RYR3: variants seen among roughly 807,000 people sequenced by gnomAD.
The protein encoded by RYR3 is ryanodine receptor 3.
A neutral mutation model predicts 584.3 loss-of-function variants in RYR3; 207 were observed. The observed-to-expected ratio is 0.35, with a 90% CI of 0.32 to 0.40. The LOEUF is 0.40. Among genes scored for constraint, RYR3 ranks in the 10% least tolerant of loss-of-function variants. The probability of loss-of-function intolerance (pLI) is 1.00; values close to 1 mark genes in which losing one functional copy is unlikely to be tolerated. For synonymous variants in RYR3, 2,416 were observed against 2,248.5 expected (o/e 1.07, Z -2.11); for missense variants, 5,616 against 6,089.2 (o/e 0.92, Z 2.59).
chr15:33,526,047 C>T (rs1238709147), intron 3 of RYR3, among the ~76,000 whole-genome samples: 2 of 152,110 alleles, frequency 1.3e-5, no homozygotes, highest in Non-Finnish European at 2.9e-5. Context: ...TTTCTTATTG[C>T]CTGGGACTCC....
intron 1 of RYR3, among the ~76,000 whole-genome samples, chr15:33,443,486 G>A (rs548845964): frequency 6.6e-5 from 10 of 152,194 alleles, no homozygotes; most frequent in African/African-American, 2.4e-4. Context: ...GTAAAGCAAA[G>A]TTTGCAATGC....
intron 1 of RYR3, among the ~76,000 whole-genome samples, chr15:33,456,380 G>A (rs1236421344): frequency 6.6e-6 from 1 of 152,224 alleles, no homozygotes; most frequent in Admixed American, 6.5e-5. Flanking sequence ...ACGTGACACA[G>A]GAAGTTTTTT....
At chr15:33,569,493 A>G (rs1232210146) in intron 12 of RYR3, among the ~76,000 whole-genome samples, 1 of 152,146 alleles carries the variant, frequency 6.6e-6, no homozygotes, top group African/African-American at 2.4e-5. Flanking sequence ...GGAAGCACAC[A>G]ATATTTGTCC....
chr15:33,741,839 T>C (rs72713298), intron 51 of RYR3, among the ~76,000 whole-genome samples: 29,975 of 151,856 alleles, frequency 0.2, 3,102 homozygotes, highest in African/African-American at 0.27. Flanking sequence ...TGGTCTCGAT[T>C]TCCTGACCTC....
chr15:33,331,418 C>A (rs1970364275), intron 1 of RYR3, among the ~76,000 whole-genome samples: 1 of 152,080 alleles, frequency 6.6e-6, no homozygotes, highest in African/African-American at 2.4e-5. Context: ...TATAAGGATG[C>A]ACTGAAGCAT....
intron 1 of RYR3, chr15:33,467,503 G>A (rs943269347): frequency 5.1e-6 from 5 of 983,790 alleles, no homozygotes; most frequent in Non-Finnish European, 6.0e-6. Context: ...AAGAAAGAAA[G>A]CTGTAAGGAT....
chr15:33,413,535 C>T (rs550643566), intron 1 of RYR3, among the ~76,000 whole-genome samples: 2 of 152,196 alleles, frequency 1.3e-5, no homozygotes, highest in African/African-American at 4.8e-5. Flanking sequence ...GATTTAGGGA[C>T]AGGAGTGTGG....
intron 2 of RYR3, among the ~76,000 whole-genome samples, chr15:33,493,426 C>T (rs535455606): frequency 1.8e-4 from 28 of 152,322 alleles, no homozygotes; most frequent in African/African-American, 6.3e-4. Context: ...CATTAAGTTT[C>T]CACAGCTCAT....
chr15:33,823,054 G>T lies in RYR3; in HGVS notation c.11054G>T (p.Gly3685Val). The T allele has an allele frequency of 6.2e-7, 1 of 1,613,212 alleles. No individual in the cohort carries two copies. The highest frequency in any genetic ancestry group is 1.3e-5 in the African/African-American group (1 of 75,000). The change falls in exon 81 of 104, where the codon GGT (glycine) becomes GTT (valine). Residue 3685 changes from glycine to valine, a missense_variant. Physicochemically the swap from Gly to Val is moderately radical, Grantham distance 109. Transcript: ENST00000634891. Reference sequence around the variant, plus strand: ...GCTGGATTCTTTCAAAGCCTTTCTGGTCTTATGCAGTCTTGCAGGTAAATG... The same window carrying T: ...GCTGGATTCTTTCAAAGCCTTTCTGTTCTTATGCAGTCTTGCAGGTAAATG... Reference protein sequence around the residue: ...KDAGFFQSLSGLMQSCSVLDL... With the variant: ...KDAGFFQSLSVLMQSCSVLDL...
intron 36 of RYR3, among the ~76,000 whole-genome samples, chr15:33,667,383 T>C (rs1372944543): frequency 6.6e-6 from 1 of 152,224 alleles, no homozygotes; most frequent in Non-Finnish European, 1.5e-5. Flanking sequence ...TTTTCACTGA[T>C]CTCTGATAGC....
At chr15:33,637,815 ATTATAC>A (rs1430491548) in intron 27 of RYR3, among the ~76,000 whole-genome samples, 1 of 151,474 alleles carries the variant, frequency 6.6e-6, no homozygotes, top group African/African-American at 2.4e-5. Context: ...TTTTTTTATT[ATTATAC>A]TTTAAGTTTT....
chr15:33,728,477 A>G (rs1292069745), intron 46 of RYR3, among the ~76,000 whole-genome samples: 1 of 152,254 alleles, frequency 6.6e-6, no homozygotes, highest in African/African-American at 2.4e-5. Context: ...CTTTTCAACA[A>G]AGTACAAGCT....
chr15:33,695,794 T>A (rs906097374), intron 38 of RYR3, among the ~76,000 whole-genome samples: 11 of 149,280 alleles, frequency 7.4e-5, no homozygotes, highest in African/African-American at 1.8e-4. Flanking sequence ...AAAAAAAAAT[T>A]TTTTTTTTTG....
At chr15:33,603,027 A>T in intron 17 of RYR3, 96 bp from the exon 18 acceptor site, 1 of 1,275,180 alleles carries the variant, frequency 7.8e-7, no homozygotes, top group Non-Finnish European at 1.1e-6. Context: ...CTCTTGTCCT[A>T]CGTGTAAATG....
At chr15:33,781,453 C>T (rs970513352) in intron 65 of RYR3, among the ~76,000 whole-genome samples, 3 of 152,180 alleles carry the variant, frequency 2.0e-5, no homozygotes, top group Admixed American at 6.5e-5. Context: ...CCATTTAGTT[C>T]AAGCCCCCTT....
At chr15:33,367,034 T>C (rs1281080532) in intron 1 of RYR3, among the ~76,000 whole-genome samples, 3 of 152,236 alleles carry the variant, frequency 2.0e-5, no homozygotes, top group Non-Finnish European at 2.9e-5. Flanking sequence ...TGTTCATCCA[T>C]TTATTTCAGT....
At chr15:33,746,252 T>A in intron 53 of RYR3, 95 bp downstream of exon 53, 1 of 848,344 alleles carries the variant, frequency 1.2e-6, no homozygotes, top group South Asian at 1.5e-5. Flanking sequence ...CACTCTCACG[T>A]CCCTACAACA....
chr15:33,503,593 T>C (rs372585265), intron 2 of RYR3, 38 bp from the exon 3 acceptor site: 20 of 1,185,478 alleles, frequency 1.7e-5, no homozygotes, highest in South Asian at 6.4e-5. Flanking sequence ...CTCTGACTGA[T>C]ATGAGTAGGT....
chr15:33,840,405 C>T (rs967601189), intron 89 of RYR3, among the ~76,000 whole-genome samples: 1 of 152,156 alleles, frequency 6.6e-6, no homozygotes, highest in African/African-American at 2.4e-5. Context: ...CTGCAGTGGT[C>T]CTCAGCCAGA....
Sources: allele counts gnomAD v4.1 joint callset (sites outside exome capture counted in the v4.1 genomes callset), GRCh38; gene constraint gnomAD v4.1.1; transcripts MANE v1.5; gene names NCBI Gene and HGNC (gene_info 2026-07-23, HGNC 2026-07-21).